Variants in C8orf76 observed in about 807,000 individuals in gnomAD.
C8orf76 encodes chromosome 8 open reading frame 76, also known as uncharacterized protein C8orf76.
A neutral mutation model predicts 38.1 loss-of-function variants in C8orf76; 46 were observed. The ratio of observed to expected loss-of-function variants is 1.21; its 90% confidence interval spans 0.95 to 1.54. The LOEUF (loss-of-function observed/expected upper bound fraction) is 1.54, where lower values mean the gene tolerates loss of function less well. Among genes scored for constraint, C8orf76 ranks in the 40% most tolerant of loss-of-function variants. The pLI, the probability that C8orf76 is intolerant of heterozygous loss-of-function variation, is 0.00. For missense variants in C8orf76, 461 were observed against 441.6 expected, an observed-to-expected ratio of 1.04 and a Z score of -0.39; for synonymous variants, 166 against 167.5, an observed-to-expected ratio of 0.99 and a Z score of 0.07.
At position 123,231,425 on chromosome 8, in the gene C8orf76, C is replaced by A. The variant is rs142084336; in HGVS notation, c.690G>T (p.Ala230=). The A allele has an allele frequency of 6.2e-7, 1 of 1,614,146 alleles. No homozygotes were observed. Among genetic ancestry groups the A allele is most frequent in the South Asian group, 1.1e-5 (1 of 91,080 alleles). ...CATTTTTCTGGCTATTACTGCTATT[C>A]GCTTCCACAGAAAATAAAGAGCTCT... ...LPESSLFSVE[A]NSSNSQKNEK... Residue 230 remains alanine, a synonymous_variant, in exon 4 of 6, where the codon GCG becomes GCT. Transcript: ENST00000276704.
chr8:123,231,838 T>G, intron 3 of C8orf76, 81 bp from the exon 4 acceptor site: 1 of 1,389,880 alleles, frequency 7.2e-7, no homozygotes, highest in Non-Finnish European at 9.6e-7. Flanking sequence ...AAAAACCAAG[T>G]TGTATATGTT....
intron 1 of C8orf76, chr8:123,239,368 A>G (rs1328848121): frequency 4.7e-6 from 2 of 422,726 alleles, no homozygotes; most frequent in African/African-American, 4.0e-5. Flanking sequence ...CCCAGCCCAC[A>G]TTGGTTCTTT....
chr8:123,220,985 A>C (rs948178353), intron 5 of C8orf76, among the ~76,000 whole-genome samples: 6 of 152,238 alleles, frequency 3.9e-5, no homozygotes, highest in African/African-American at 1.4e-4. Flanking sequence ...CTGTCACGAA[A>C]GCTTATGTAG....
chr8:123,235,628 GCA>G (rs1199710110), intron 3 of C8orf76, among the ~76,000 whole-genome samples: 1 of 152,212 alleles, frequency 6.6e-6, no homozygotes, highest in Non-Finnish European at 1.5e-5. Flanking sequence ...GACGCCTGAT[GCA>G]CAGTTCTGAA....
At chr8:123,235,187 C>T (rs1267020037) in intron 3 of C8orf76, among the ~76,000 whole-genome samples, 1 of 152,120 alleles carries the variant, frequency 6.6e-6, no homozygotes, top group Admixed American at 6.5e-5. Context: ...GGAATACCAA[C>T]CACTATAAGA....
intron 1 of C8orf76, 127 bp downstream of exon 1, chr8:123,241,103 C>G (rs1825668811): frequency 2.1e-6 from 2 of 931,884 alleles, no homozygotes; most frequent in South Asian, 2.0e-5. Context: ...CGGCGGGGGA[C>G]GCGGCGGGCG....
At chr8:123,228,982 A>G (rs932580956) in intron 4 of C8orf76, among the ~76,000 whole-genome samples, 11 of 152,230 alleles carry the variant, frequency 7.2e-5, no homozygotes, top group African/African-American at 2.7e-4. Context: ...TCCACTTAGC[A>G]TCAGCAATTG....
intron 3 of C8orf76, among the ~76,000 whole-genome samples, chr8:123,235,883 G>T (rs776853181): frequency 6.6e-6 from 1 of 152,224 alleles, no homozygotes; most frequent in Non-Finnish European, 1.5e-5. Flanking sequence ...GAGCAGGACA[G>T]TAGTAAAGGC....
intron 3 of C8orf76, among the ~76,000 whole-genome samples, chr8:123,236,609 C>A (rs528860255): frequency 6.6e-6 from 1 of 151,966 alleles, no homozygotes; most frequent in African/African-American, 2.4e-5. Context: ...CATGGTGAAA[C>A]CTCGTCTCTA....
At chr8:123,222,398 T>C (rs1824915857) in intron 5 of C8orf76, among the ~76,000 whole-genome samples, 1 of 152,176 alleles carries the variant, frequency 6.6e-6, no homozygotes, top group African/African-American at 2.4e-5. Context: ...CAAAAATGCC[T>C]TTCTTAAAAA....
intron 5 of C8orf76, among the ~76,000 whole-genome samples, chr8:123,223,374 G>A (rs1390255028): frequency 2.0e-5 from 3 of 152,162 alleles, no homozygotes; most frequent in Admixed American, 6.5e-5. Context: ...TTGGGAGGCC[G>A]AGGCAGGCAG....
In C8orf76 at chr8:123,220,073, G is replaced by C. The variant is rs1470764719; in HGVS notation, c.*30C>G. The C allele has an allele frequency of 3.7e-6, 5 of 1,362,586 alleles. 1 individual carries two copies. In the Admixed American group the frequency reaches 9.2e-5, roughly 25 times the overall value. 84.4% of individuals were successfully genotyped at this position (1,362,586 alleles called of 1,614,324 possible). The stretch of plus-strand genomic sequence containing the variant: ...AACAAGGACAATTAATACAGTACAA[G>C]ATATTTGTGGTTTTGTTTTTTATAA... On this transcript the variant is annotated 3_prime_UTR_variant, in exon 6 of 6. Coordinates refer to ENST00000276704, the MANE Select transcript of C8orf76 (RefSeq NM_032847.3).
At chr8:123,226,355 T>TTGC in intron 5 of C8orf76, 145 bp downstream of exon 5, 1 of 1,487,946 alleles carries the variant, frequency 6.7e-7, no homozygotes, top group Non-Finnish European at 8.9e-7. Flanking sequence ...GCCTTGGTGA[T>TTGC]TGCTGAGTGA....
At chr8:123,228,691 C>T (rs766136299) in intron 4 of C8orf76, among the ~76,000 whole-genome samples, 9 of 151,806 alleles carry the variant, frequency 5.9e-5, no homozygotes, top group African/African-American at 9.7e-5. Context: ...GTATTTAAAA[C>T]CTGCAAATAC....
chr8:123,235,114 T>C (rs1825414080), intron 3 of C8orf76, among the ~76,000 whole-genome samples: 1 of 152,074 alleles, frequency 6.6e-6, no homozygotes. Flanking sequence ...GAGTGCTGAG[T>C]GGATAAATGA....
At chr8:123,221,559 C>T (rs1824895470) in intron 5 of C8orf76, among the ~76,000 whole-genome samples, 1 of 152,146 alleles carries the variant, frequency 6.6e-6, no homozygotes, top group Non-Finnish European at 1.5e-5. Context: ...CCTCAGCCTC[C>T]AAAGTAGCTG....
chr8:123,237,135 C>G (rs551470877), intron 3 of C8orf76: 2 of 829,824 alleles, frequency 2.4e-6, no homozygotes, highest in East Asian at 4.9e-5. Context: ...AAGTGCTGTG[C>G]CCGCCTGCAC....
chr8:123,237,647 A>C (rs1825547070), intron 3 of C8orf76, 151 bp downstream of exon 3: 3 of 1,144,566 alleles, frequency 2.6e-6, no homozygotes, highest in East Asian at 2.8e-5. Context: ...TGTTCATCAT[A>C]ATAAAACTCT....
intron 4 of C8orf76, among the ~76,000 whole-genome samples, chr8:123,228,173 G>A (rs1031525476): frequency 6.6e-6 from 1 of 152,160 alleles, no homozygotes; most frequent in African/African-American, 2.4e-5. Context: ...ACCAAGTCCT[G>A]TCTATTCTAT....
Sources: gnomAD v4.1 joint callset for allele counts (sites outside exome capture counted in the v4.1 genomes callset) on GRCh38, gnomAD v4.1.1 for gene constraint, MANE v1.5 for transcripts, NCBI Gene and HGNC (gene_info 2026-07-23, HGNC 2026-07-21) for gene names.